C8A: variants seen among roughly 807,000 people sequenced by gnomAD.
C8A encodes the protein complement component C8 alpha chain.
C8A carries 67 observed loss-of-function variants against 65.3 expected under a neutral mutation model. The ratio of observed to expected loss-of-function variants is 1.03; its 90% CI spans 0.84 to 1.26. The LOEUF is 1.26. Among genes scored for constraint, C8A ranks in the 50% most tolerant of loss-of-function variants. The probability of loss-of-function intolerance (pLI) is 0.00; values close to 1 mark genes in which losing one functional copy is unlikely to be tolerated. For missense variants in C8A, 781 were observed against 723.9 expected, an observed-to-expected ratio of 1.08 and a Z score of -0.90; for synonymous variants, 290 against 259.4, an observed-to-expected ratio of 1.12 and a Z score of -1.13.
intron 4 of C8A, among the ~76,000 whole-genome samples, chr1:56,876,922 A>C (rs1346126733): frequency 6.6e-6 from 1 of 152,140 alleles, no homozygotes; most frequent in African/African-American, 2.4e-5. Flanking sequence ...CCTTACCCCC[A>C]CATTTATGTG....
At chr1:56,877,985 T>A (rs1431149987) in intron 4 of C8A, among the ~76,000 whole-genome samples, 1 of 152,162 alleles carries the variant, frequency 6.6e-6, no homozygotes, top group African/African-American at 2.4e-5. Flanking sequence ...AAACACCACA[T>A]CCTGAGTGGC....
At chr1:56,888,892 A>ATTAC (rs1336518437) in intron 7 of C8A, among the ~76,000 whole-genome samples, 1 of 152,174 alleles carries the variant, frequency 6.6e-6, no homozygotes, top group Non-Finnish European at 1.5e-5. Context: ...AGAGAGGCTA[A>ATTAC]TTACTTAGTC....
intron 7 of C8A, among the ~76,000 whole-genome samples, chr1:56,898,410 AT>A (rs2101279003): frequency 6.6e-6 from 1 of 152,264 alleles, no homozygotes; most frequent in East Asian, 1.9e-4. Context: ...ATTGTTCACC[AT>A]TGGGGTGCAC....
chr1:56,896,950 T>A (rs1435918947), intron 7 of C8A, among the ~76,000 whole-genome samples: 1 of 152,154 alleles, frequency 6.6e-6, no homozygotes, highest in African/African-American at 2.4e-5. Context: ...TGTCCTCATT[T>A]CACAGATGAG....
chr1:56,870,707 G>A (rs183656700), intron 2 of C8A, among the ~76,000 whole-genome samples: 2 of 146,560 alleles, frequency 1.4e-5, no homozygotes, highest in Non-Finnish European at 3.0e-5. Context: ...AGTTTAGACA[G>A]CAGGTACCAC....
chr1:56,905,517 C>T (rs148671873), intron 7 of C8A, among the ~76,000 whole-genome samples: 6 of 152,332 alleles, frequency 3.9e-5, no homozygotes, highest in East Asian at 3.9e-4. Context: ...CACATTGCTA[C>T]GCTAACAAGA....
At chr1:56,895,751 C>G in intron 7 of C8A, among the ~76,000 whole-genome samples, 1 of 151,998 alleles carries the variant, frequency 6.6e-6, no homozygotes, top group Non-Finnish European at 1.5e-5. Flanking sequence ...CCAGCCTGGG[C>G]AACATAGGGA....
At chr1:56,883,726 C>A in intron 6 of C8A, 45 bp downstream of exon 6, 1 of 1,492,354 alleles carries the variant, frequency 6.7e-7, no homozygotes, top group Non-Finnish European at 9.3e-7. Context: ...CCATAATATA[C>A]ACTGAACACG....
chr1:56,883,722 T>C, intron 6 of C8A, 41 bp downstream of exon 6: 1 of 1,522,782 alleles, frequency 6.6e-7, no homozygotes, highest in East Asian at 2.3e-5. Flanking sequence ...TATTCCATAA[T>C]ATACACTGAA....
intron 2 of C8A, 63 bp from the exon 3 acceptor site, chr1:56,874,886 A>C (rs1644182690): frequency 1.9e-6 from 3 of 1,590,444 alleles, no homozygotes; most frequent in Non-Finnish European, 2.6e-6. Flanking sequence ...ACCAGGCTGC[A>C]CAAGTCTTGG....
rs143099008 is a variant in C8A at position 56,888,861 on chromosome 1, A to G, written c.1096+2694A>G. Among the ~76,000 whole-genome samples, 785 of 152,268 alleles carry G rather than the reference A, an allele frequency of 5.2e-3. 17 individuals are homozygous for G. The highest frequency in any genetic ancestry group is 6.6e-4 in the Non-Finnish European group (45 of 68,010). On this transcript the variant is annotated intron_variant, in intron 7 of 10. Coordinates refer to ENST00000361249, the MANE Select transcript of C8A (RefSeq NM_000562.3). ...GATCGGTGTTGTCCAAGTTTTAGCT[A>G]CATAAACGCTGTGGCTCATTAGAGA... is the stretch of plus-strand genomic sequence containing the variant.
chr1:56,867,729 G>T, intron 2 of C8A, 27 bp downstream of exon 2: 1 of 1,547,708 alleles, frequency 6.5e-7, no homozygotes, highest in Non-Finnish European at 8.9e-7. Flanking sequence ...CGGTTTGGGG[G>T]CATTTCATAT....
intron 9 of C8A, among the ~76,000 whole-genome samples, chr1:56,909,353 A>T (rs1644489969): frequency 6.6e-6 from 1 of 152,198 alleles, no homozygotes; most frequent in Non-Finnish European, 1.5e-5. Flanking sequence ...CTACAGTTAA[A>T]CCTAGAAGTC....
At chr1:56,887,084 T>A (rs546746528) in intron 7 of C8A, among the ~76,000 whole-genome samples, 232 of 152,310 alleles carry the variant, frequency 1.5e-3, no homozygotes, top group African/African-American at 5.2e-3. Context: ...AAGAGATCTA[T>A]CCATATTGCA....
At chr1:56,896,344 T>C (rs997214941) in intron 7 of C8A, among the ~76,000 whole-genome samples, 3 of 152,114 alleles carry the variant, frequency 2.0e-5, no homozygotes, top group Non-Finnish European at 4.4e-5. Flanking sequence ...TTCGTTTCAG[T>C]CCAAGTCTGA....
intron 1 of C8A, 42 bp downstream of exon 1, chr1:56,855,020 T>TCAC (rs1299195663): frequency 6.9e-7 from 1 of 1,448,330 alleles, no homozygotes; most frequent in Non-Finnish European, 9.7e-7. Context: ...CACGTAGGAA[T>TCAC]CACCTGCTGG....
At chr1:56,872,169 T>A (rs1196874852) in intron 2 of C8A, among the ~76,000 whole-genome samples, 2 of 152,208 alleles carry the variant, frequency 1.3e-5, no homozygotes, top group African/African-American at 4.8e-5. Context: ...GGACCTTGGA[T>A]AAATACCTTT....
chr1:56,908,240 C>A (rs1254911641), intron 9 of C8A, 127 bp downstream of exon 9: 3 of 1,118,282 alleles, frequency 2.7e-6, no homozygotes, highest in South Asian at 1.3e-5. Context: ...GCACACTGAA[C>A]TAGTGGCCTT....
In C8A at chr1:56,917,751, G is replaced by T; in HGVS notation, c.*35G>T. On this transcript the variant is annotated 3_prime_UTR_variant, in exon 11 of 11. Coordinates refer to ENST00000361249, the MANE Select transcript of C8A (RefSeq NM_000562.3). Reference sequence around the variant, plus strand: ...GACACAGGCTGGACCAGATGCTGTGGATGTCGACCCCTGCACTGACTATTG... The same window carrying T: ...GACACAGGCTGGACCAGATGCTGTGTATGTCGACCCCTGCACTGACTATTG... 6.2e-7 allele frequency: 1 copy of T among 1,612,632 alleles called. No homozygotes were observed. Among genetic ancestry groups the T allele is most frequent in the Non-Finnish European group, 8.5e-7 (1 of 1,179,402 alleles).
Sources: allele counts gnomAD v4.1 joint callset (sites outside exome capture counted in the v4.1 genomes callset), GRCh38; gene constraint gnomAD v4.1.1; transcripts MANE v1.5; gene names NCBI Gene and HGNC (gene_info 2026-07-23, HGNC 2026-07-21).